Variants in METTL24 observed in about 807,000 individuals in gnomAD.
METTL24 encodes the protein methyltransferase like 24, also known as probable methyltransferase-like protein 24.
METTL24 carries 29 observed loss-of-function variants against 32.7 expected under a neutral mutation model. That is an observed-to-expected ratio of 0.89 (90% confidence interval 0.66 to 1.21). The LOEUF (loss-of-function observed/expected upper bound fraction) is 1.21, where lower values mean the gene tolerates loss of function less well. METTL24 is among the 50% of genes most tolerant of loss of function. The pLI is 0.00. For synonymous variants in METTL24, 163 were observed against 179.5 expected (o/e 0.91, Z 0.73); for missense variants, 439 against 468.1 (o/e 0.94, Z 0.57).
In METTL24 at chr6:110,263,023, T is replaced by G. The variant is rs190794417; in HGVS notation, c.787-16763A>C. Among the ~76,000 whole-genome samples, 106 of 152,226 alleles carry G rather than the reference T, an allele frequency of 7.0e-4. 1 individual carries two copies. The East Asian group carries it at 0.018, about 26-fold the overall frequency. ...CCCACAGCCAATATCATACTGAATG[T>G]GCAAAAACTGGATGTGTTCCCTTTG... On this transcript the variant is annotated intron_variant, in intron 4 of 4. Transcript: ENST00000338882.
intron 4 of METTL24, among the ~76,000 whole-genome samples, chr6:110,269,418 C>T (rs1770914226): frequency 6.6e-6 from 1 of 152,130 alleles, no homozygotes; most frequent in South Asian, 2.1e-4. Context: ...ATCATTTCAA[C>T]ATTTTGACTT....
At chr6:110,315,275 G>T in intron 3 of METTL24, 67 bp downstream of exon 3, 2 of 1,567,732 alleles carry the variant, frequency 1.3e-6, no homozygotes, top group African/African-American at 1.4e-5. Flanking sequence ...ACTTTGTATT[G>T]CTGAAAAGGT....
chr6:110,249,434 G>GGGGGGTGCCCCCT (rs60599252), intron 4 of METTL24, among the ~76,000 whole-genome samples: 66,320 of 151,460 alleles, frequency 0.44, 18,622 homozygotes, highest in African/African-American at 0.79. Context: ...ATGCAGCCCA[G>GGGGGGTGCCCCCT]GGGGAGCACA....
chr6:110,325,866 G>T (rs1364271815), intron 1 of METTL24, among the ~76,000 whole-genome samples: 1 of 152,182 alleles, frequency 6.6e-6, no homozygotes, highest in African/African-American at 2.4e-5. Context: ...CACTGCAAAT[G>T]GTGCAAACTT....
At chr6:110,302,478 C>CAT (rs1429067126) in intron 3 of METTL24, among the ~76,000 whole-genome samples, 1 of 93,018 alleles carries the variant, frequency 1.1e-5, no homozygotes, top group Non-Finnish European at 2.1e-5. Context: ...TATATATACA[C>CAT]ATATACACAC....
intron 4 of METTL24, among the ~76,000 whole-genome samples, chr6:110,272,103 G>A (rs1463251423): frequency 2.0e-5 from 3 of 152,008 alleles, no homozygotes; most frequent in Non-Finnish European, 4.4e-5. Context: ...ATGTGGTCTT[G>A]TCTCCCTCAC....
At chr6:110,344,171 G>A (rs1425519618) in intron 1 of METTL24, among the ~76,000 whole-genome samples, 3 of 152,202 alleles carry the variant, frequency 2.0e-5, no homozygotes, top group Admixed American at 2.0e-4. Context: ...AATGTTCACT[G>A]CATGACAATG....
intron 4 of METTL24, among the ~76,000 whole-genome samples, chr6:110,259,665 C>T (rs1041705512): frequency 1.3e-5 from 2 of 152,208 alleles, no homozygotes; most frequent in African/African-American, 4.8e-5. Flanking sequence ...GACAGACTGC[C>T]TCCTCAAGTG....
Position 110,246,172 on chromosome 6 carries a change from T to A in METTL24, c.875A>T (p.Gln292Leu). The A allele has an allele frequency of 6.2e-7, 1 of 1,614,178 alleles. No individual in the cohort carries two copies. Among genetic ancestry groups the A allele is most frequent in the Non-Finnish European group, 8.5e-7 (1 of 1,180,006 alleles). The part of the protein sequence containing the change: ...ILEDVLEQIG[Q>L]LIFEIHLHWP... Reference sequence around the variant, plus strand: ...GTGGAGATGGATCTCAAAGATGAGCTGTCCAATCTGCTCAAGAACATCTTC... The same window carrying A: ...GTGGAGATGGATCTCAAAGATGAGCAGTCCAATCTGCTCAAGAACATCTTC... The change falls in exon 5 of 5, where the codon CAG (glutamine) becomes CTG (leucine). Residue 292 changes from glutamine to leucine, a missense_variant. Physicochemically the swap from Gln to Leu is moderately radical, Grantham distance 113 (BLOSUM62 -2). Transcript: ENST00000338882.
At chr6:110,261,188 T>G (rs1443281741) in intron 4 of METTL24, among the ~76,000 whole-genome samples, 1 of 151,904 alleles carries the variant, frequency 6.6e-6, no homozygotes, top group East Asian at 1.9e-4. Context: ...GGATAAAGAG[T>G]CAAGACCCAT....
At chr6:110,269,800 A>T (rs1770922087) in intron 4 of METTL24, among the ~76,000 whole-genome samples, 1 of 152,184 alleles carries the variant, frequency 6.6e-6, no homozygotes, top group African/African-American at 2.4e-5. Context: ...TATTCATATG[A>T]TGTTAAAAGC....
At chr6:110,339,963 A>G (rs1233255497) in intron 1 of METTL24, among the ~76,000 whole-genome samples, 4 of 152,240 alleles carry the variant, frequency 2.6e-5, no homozygotes, top group Admixed American at 6.5e-5. Context: ...GAGATGACCC[A>G]TAACTTCCTT....
intron 1 of METTL24, among the ~76,000 whole-genome samples, chr6:110,344,762 C>T (rs905386387): frequency 9.9e-5 from 15 of 152,096 alleles, no homozygotes; most frequent in Admixed American, 9.8e-4. Flanking sequence ...CTTCCTTGTA[C>T]CATACACAAA....
rs540291510 is a variant in METTL24, at chr6:110,251,298, T to C, written c.787-5038A>G. ...ACAGTAGTACAGTGGACTGGAACTT[T>C]TACTGGACACAAATAATACTCCAGA... On this transcript the variant is annotated intron_variant, in intron 4 of 4. Coordinates refer to ENST00000338882, the MANE Select transcript of METTL24 (RefSeq NM_001123364.3). Among the ~76,000 whole-genome samples, 6 of 152,328 alleles carry C rather than the reference T, an allele frequency of 3.9e-5. No individual in the cohort carries two copies. In the South Asian group the frequency reaches 1.2e-3, roughly 32 times the overall value.
Position 110,357,956 on chromosome 6 carries a change from T to A in METTL24, c.317A>T (p.Lys106Met). The A allele has an allele frequency of 8.4e-7, 1 of 1,192,558 alleles. No homozygotes were observed. The highest frequency in any genetic ancestry group is 1.0e-6 in the Non-Finnish European group (1 of 960,720). 73.9% of individuals were successfully genotyped at this position (1,192,558 alleles called of 1,614,324 possible). The change falls in exon 1 of 5, where the codon AAG becomes ATG. Residue 106 changes from lysine (K) to methionine (M), a missense_variant and splice_region_variant. Lys to Met is a moderately conservative substitution (Grantham distance 95). Transcript: ENST00000338882. Reference sequence around the variant, plus strand: ...AAGACCGACCGCTTTGCAACTGACCTTCCGGCGGGGGCGCCCGCGCGGGGC... The same window carrying A: ...AAGACCGACCGCTTTGCAACTGACCATCCGGCGGGGGCGCCCGCGCGGGGC... ...CCAPRGRPRR[K>M]GPRWHIDLQP...
intron 3 of METTL24, among the ~76,000 whole-genome samples, chr6:110,306,356 AG>A (rs1230451139): frequency 1.3e-5 from 2 of 151,538 alleles, no homozygotes; most frequent in African/African-American, 4.8e-5. Context: ...ACTAAAAAAA[AG>A]AAAACAGTTT....
At chr6:110,288,738 AG>A (rs1771268603) in intron 4 of METTL24, among the ~76,000 whole-genome samples, 1 of 152,174 alleles carries the variant, frequency 6.6e-6, no homozygotes, top group African/African-American at 2.4e-5. Flanking sequence ...GGCGGTGAGC[AG>A]GATGGCAGGC....
intron 1 of METTL24, among the ~76,000 whole-genome samples, chr6:110,343,947 A>G (rs1386775648): frequency 6.6e-6 from 1 of 152,204 alleles, no homozygotes; most frequent in Non-Finnish European, 1.5e-5. Flanking sequence ...AGGAAAGGTA[A>G]GCCCCATTAT....
chr6:110,294,107 A>G (rs1172207259), intron 4 of METTL24, among the ~76,000 whole-genome samples: 38 of 152,072 alleles, frequency 2.5e-4, no homozygotes, highest in Admixed American at 2.5e-3. Flanking sequence ...GTACTCATCC[A>G]TTGCTTTCTA....
Sources: allele counts gnomAD v4.1 joint callset (sites outside exome capture counted in the v4.1 genomes callset), GRCh38; gene constraint gnomAD v4.1.1; transcripts MANE v1.5; gene names NCBI Gene and HGNC (gene_info 2026-07-23, HGNC 2026-07-21).